The following MCC variants were observed in gnomAD, a reference collection of about 807,000 sequenced individuals.
MCC encodes colorectal mutant cancer protein.
A neutral mutation model predicts 116.2 loss-of-function variants in MCC; 90 were observed. That is an observed-to-expected ratio of 0.77 (90% CI 0.65 to 0.92). The LOEUF (loss-of-function observed/expected upper bound fraction) is 0.92. MCC is among the 40% of genes least tolerant of loss of function. The pLI, the probability that MCC is intolerant of heterozygous loss-of-function variation, is 0.00. For missense variants in MCC, 1,516 were observed against 1,312.2 expected (o/e 1.16, Z -2.40); for synonymous variants, 578 against 510.5 (o/e 1.13, Z -1.78).
chr5:113,376,942 G>A (rs1223515122), intron 2 of MCC, among the ~76,000 whole-genome samples: 1 of 152,050 alleles, frequency 6.6e-6, no homozygotes, highest in Non-Finnish European at 1.5e-5. Flanking sequence ...CAATTCCCAG[G>A]ACTTCTGTGA....
rs116959546 is a variant in MCC, at chr5:113,197,874, G to A, written c.628-46452C>T. 4.8e-3 allele frequency among the ~76,000 whole-genome samples: 736 copies of A among 152,296 alleles called. 4 individuals carry two copies. The highest frequency in any genetic ancestry group is 0.039 in the East Asian group (202 of 5,172). On this transcript the variant is annotated intron_variant, in intron 3 of 18. Transcript: ENST00000408903. Reference sequence around the variant, plus strand: ...TGCTCTGTGCACCAGGCTATGCTGCGTTCCGTAAACCCAGGCAGGAGAGGC... The same window carrying A: ...TGCTCTGTGCACCAGGCTATGCTGCATTCCGTAAACCCAGGCAGGAGAGGC...
chr5:113,271,531 A>G (rs1327205847), intron 3 of MCC, among the ~76,000 whole-genome samples: 1 of 152,274 alleles, frequency 6.6e-6, no homozygotes, highest in Non-Finnish European at 1.5e-5. Flanking sequence ...GGGAGTAACC[A>G]TCCAGGATTG....
At chr5:113,391,932 G>T (rs916012946) in intron 1 of MCC, among the ~76,000 whole-genome samples, 8 of 152,082 alleles carry the variant, frequency 5.3e-5, no homozygotes, top group Non-Finnish European at 7.4e-5. Flanking sequence ...TTTCCCATAT[G>T]CATGAATAGT....
intron 6 of MCC, among the ~76,000 whole-genome samples, chr5:113,107,376 CCTA>C (rs1360374308): frequency 3.3e-5 from 5 of 152,166 alleles, no homozygotes; most frequent in African/African-American, 1.2e-4. Context: ...TGCCACCACA[CCTA>C]GCTAATTTTT....
rs1233337513 is a variant in MCC at position 113,434,030 on chromosome 5, G to C, written c.171-48818C>G. 2 of 1,614,064 alleles carry C rather than the reference G, an allele frequency of 1.2e-6. No homozygotes were observed. The highest frequency in any genetic ancestry group is 4.5e-5 in the East Asian group (2 of 44,880). Reference sequence around the variant, plus strand: ...ATCCCCGTGCCTTGGGCTGCATCCAGCAGTGGCTGAGGATCTCGTCGATGT... The same window carrying C: ...ATCCCCGTGCCTTGGGCTGCATCCACCAGTGGCTGAGGATCTCGTCGATGT... On this transcript the variant is annotated intron_variant, in intron 1 of 18. Transcript: ENST00000408903. This position sits in a 1 kb window ranked among gnomAD's most constrained non-coding sequence, Gnocchi z 4.2.
intron 13 of MCC, 100 bp from the exon 14 acceptor site, chr5:113,064,267 T>G: frequency 8.8e-7 from 1 of 1,130,920 alleles, no homozygotes; most frequent in South Asian, 1.6e-5. Context: ...AGGGCAGAGG[T>G]GGCACTGTGG....
At chr5:113,127,511 C>T (rs528755029) in intron 5 of MCC, among the ~76,000 whole-genome samples, 1 of 152,322 alleles carries the variant, frequency 6.6e-6, no homozygotes, top group South Asian at 2.1e-4. Context: ...TCACCAGCAT[C>T]TGTTATTTTT....
At chr5:113,344,246 A>C (rs988434442) in intron 2 of MCC, among the ~76,000 whole-genome samples, 1 of 152,160 alleles carries the variant, frequency 6.6e-6, no homozygotes, top group African/African-American at 2.4e-5. Context: ...GATCAGCCCT[A>C]GCCAGAGGGG....
intron 12 of MCC, among the ~76,000 whole-genome samples, chr5:113,068,504 C>T (rs1753784730): frequency 6.6e-6 from 1 of 152,212 alleles, no homozygotes; most frequent in African/African-American, 2.4e-5. Flanking sequence ...CCAGGTAGTC[C>T]CGCTGAGCCG....
intron 7 of MCC, 60 bp downstream of exon 7, chr5:113,104,132 G>A: frequency 6.8e-7 from 1 of 1,481,448 alleles, no homozygotes; most frequent in Non-Finnish European, 9.1e-7. Context: ...TCAAGAGAAG[G>A]ATTGGACCAT....
chr5:113,027,325 G>T lies in MCC; in HGVS notation c.3037C>A (p.His1013Asn), dbSNP rs764906819. 2.5e-5 allele frequency: 40 copies of T among 1,614,058 alleles called. No individual in the cohort carries two copies. The highest frequency in any genetic ancestry group is 2.2e-4 in the East Asian group (10 of 44,898). The change falls in exon 19 of 19, where the codon CAC (histidine) becomes AAC (asparagine). Residue 1013 changes from histidine (H) to asparagine (N), a missense_variant. By Grantham distance (68) the His-to-Asn change is moderately conservative (BLOSUM62 1). Coordinates refer to ENST00000408903, the MANE Select transcript of MCC (RefSeq NM_001085377.2). Reference protein sequence around the residue: ...ALLEEENSRPHTNETSL With the variant: ...ALLEEENSRPNTNETSL ...GATTAAAGCGAAGTTTCATTGGTGT[G>T]TGGCCTGGAGTTCTCCTCCTCTAGC...
At chr5:113,455,754 T>G (rs1357668743) in intron 1 of MCC, among the ~76,000 whole-genome samples, 1 of 152,202 alleles carries the variant, frequency 6.6e-6, no homozygotes, top group Non-Finnish European at 1.5e-5. Flanking sequence ...TCATACTAAA[T>G]GGAATAAAGA....
At chr5:113,219,727 G>T (rs1389464719) in intron 3 of MCC, among the ~76,000 whole-genome samples, 2 of 152,148 alleles carry the variant, frequency 1.3e-5, no homozygotes, top group African/African-American at 2.4e-5. Flanking sequence ...CAGAAACTAT[G>T]TTAAAGGCTA....
At chr5:113,167,160 G>A (rs549169500) in intron 3 of MCC, among the ~76,000 whole-genome samples, 21 of 152,268 alleles carry the variant, frequency 1.4e-4, no homozygotes, top group African/African-American at 4.6e-4. Flanking sequence ...GGCAAAAAAG[G>A]TGAGTCAACA....
At chr5:113,173,942 A>T (rs986275875) in intron 3 of MCC, among the ~76,000 whole-genome samples, 1 of 152,184 alleles carries the variant, frequency 6.6e-6, no homozygotes, top group Non-Finnish European at 1.5e-5. Context: ...AATTCCAAAG[A>T]CAGAGACCTT....
chr5:113,123,690 C>T (rs1052365861), intron 5 of MCC, among the ~76,000 whole-genome samples: 12 of 152,184 alleles, frequency 7.9e-5, no homozygotes, highest in Non-Finnish European at 1.5e-4. Context: ...CATCACCACA[C>T]ATACACTGGA....
intron 3 of MCC, among the ~76,000 whole-genome samples, chr5:113,272,750 T>C (rs1765662249): frequency 6.6e-6 from 1 of 152,200 alleles, no homozygotes; most frequent in Admixed American, 6.5e-5. Flanking sequence ...AATTATTCTT[T>C]TAAAAATGAA....
intron 5 of MCC, among the ~76,000 whole-genome samples, chr5:113,141,799 T>G (rs888233326): frequency 2.6e-5 from 4 of 152,210 alleles, no homozygotes; most frequent in Admixed American, 6.5e-5. Flanking sequence ...AATTTAAACA[T>G]CTTGAAATTG....
At chr5:113,272,846 C>A (rs1240060448) in intron 3 of MCC, among the ~76,000 whole-genome samples, 1 of 152,172 alleles carries the variant, frequency 6.6e-6, no homozygotes, top group Non-Finnish European at 1.5e-5. Flanking sequence ...ACTTTGCTGT[C>A]CTTCAGTCAT....
Sources: gnomAD v4.1 joint callset for allele counts (sites outside exome capture counted in the v4.1 genomes callset) on GRCh38, gnomAD v4.1.1 for gene constraint, Gnocchi (gnomAD v3.1) non-coding constraint, MANE v1.5 for transcripts, NCBI Gene and HGNC (gene_info 2026-07-23, HGNC 2026-07-21) for gene names.